SPR: variants seen among roughly 807,000 people sequenced by gnomAD.
The protein encoded by SPR is sepiapterin reductase.
In SPR, 12 loss-of-function variants were observed where a neutral mutation model predicts 16.0. The ratio of observed to expected loss-of-function variants is 0.75; its 90% CI spans 0.48 to 1.22. The LOEUF (loss-of-function observed/expected upper bound fraction) is 1.22, where lower values mean the gene tolerates loss of function less well. Among genes scored for constraint, SPR ranks in the 50% most tolerant of loss-of-function variants. SPR has a pLI of 0.00. For missense variants in SPR, 324 were observed against 344.4 expected (o/e 0.94, Z 0.47); for synonymous variants, 177 against 168.5 (o/e 1.05, Z -0.39).
chr2:72,888,523 G>A lies in SPR; in HGVS notation c.514G>A (p.Ala172Thr), dbSNP rs945210655. 1.9e-6 allele frequency: 3 copies of A among 1,607,066 alleles called. No homozygotes were observed. In the East Asian group the frequency reaches 6.7e-5, roughly 36 times the overall value. Reference protein sequence around the residue: ...QPFKGWALYCAGKAARDMLFQ... With the variant: ...QPFKGWALYCTGKAARDMLFQ... ...TTTCAAAGGCTGGGCGCTGTACTGT[G>A]CAGGAAAGGCTGCTCGTGATATGCT... is the stretch of plus-strand genomic sequence containing the variant. The change falls in exon 2 of 3, where the codon GCA becomes ACA. Residue 172 changes from alanine to threonine, a missense_variant. Physicochemically the swap from Ala to Thr is moderately conservative, Grantham distance 58 (BLOSUM62 0). Transcript: ENST00000234454.
In SPR at chr2:72,888,295, C is replaced by T; in HGVS notation, c.305-19C>T. On this transcript the variant is annotated intron_variant, in intron 1 of 2. Coordinates refer to ENST00000234454, the MANE Select transcript of SPR (RefSeq NM_003124.5). Reference sequence around the variant, plus strand: ...AAGCCCCGCCTGCACTGAGTTACTCCTAAGGGTTGGTTTTTCAGGCTCTCT... The same window carrying T: ...AAGCCCCGCCTGCACTGAGTTACTCTTAAGGGTTGGTTTTTCAGGCTCTCT... 6.2e-7 allele frequency: 1 copy of T among 1,613,994 alleles called. No homozygotes were observed. Among genetic ancestry groups the T allele is most frequent in the Admixed American group, 1.7e-5 (1 of 60,032 alleles).
intron 2 of SPR, among the ~76,000 whole-genome samples, chr2:72,889,585 A>T (rs1670590709): frequency 1.5e-5 from 2 of 137,716 alleles, no homozygotes; most frequent in Non-Finnish European, 1.5e-5. Context: ...ACACACATGC[A>T]CAATTATTCT....
intron 1 of SPR, 90 bp from the exon 2 acceptor site, chr2:72,888,224 T>G: frequency 1.5e-6 from 2 of 1,306,740 alleles, no homozygotes; most frequent in Non-Finnish European, 2.2e-6. Flanking sequence ...TAGGTCTGCA[T>G]GGGAAGAGGA....
chr2:72,888,671 G>A, intron 2 of SPR, 67 bp downstream of exon 2: 1 of 1,509,212 alleles, frequency 6.6e-7, no homozygotes, highest in Non-Finnish European at 8.9e-7. Context: ...GGCTGGGCAA[G>A]CGGCCTAGTC....
At chr2:72,888,282 C>T in intron 1 of SPR, 32 bp from the exon 2 acceptor site, 1 of 1,612,324 alleles carries the variant, frequency 6.2e-7, no homozygotes, top group Non-Finnish European at 8.5e-7. Context: ...GCCCCGCCTG[C>T]ACTGAGTTAC....
chr2:72,887,465 G>C lies in SPR; in HGVS notation c.33G>C (p.Leu11Phe). MEGGLGRAVC[L>F]LTGASRGFGR... ...GCGGGCTGGGGCGTGCTGTGTGCTT[G>C]CTGACCGGGGCCTCCCGCGGCTTCG... The change falls in exon 1 of 3, where the codon TTG becomes TTC. Residue 11 changes from leucine (L) to phenylalanine (F), a missense_variant. Transcript: ENST00000234454. 1 of 1,508,518 alleles carries C rather than the reference G, an allele frequency of 6.6e-7. No individual in the cohort carries two copies. Among genetic ancestry groups the C allele is most frequent in the Non-Finnish European group, 8.8e-7 (1 of 1,134,444 alleles). The allele number at this position is 1,508,518 out of a possible 1,614,324, so 93.4% of individuals were successfully genotyped here. A position where few individuals can be genotyped will look rare whatever the true frequency, so the allele number is the denominator to read the frequency against.
chr2:72,887,532 G>T lies in SPR; in HGVS notation c.100G>T (p.Gly34Cys). ...GCTCCTGGCCTCGCTGCTGTCGCCC[G>T]GCTCCGTGCTTGTCCTTAGCGCCCG... ...APLLASLLSP[G>C]SVLVLSARND... Residue 34 changes from glycine (G) to cysteine (C), a missense_variant, in exon 1 of 3, where the codon GGC becomes TGC. Coordinates refer to ENST00000234454, the MANE Select transcript of SPR (RefSeq NM_003124.5). 6.8e-7 allele frequency: 1 copy of T among 1,480,090 alleles called. No homozygotes were observed. Among genetic ancestry groups the T allele is most frequent in the South Asian group, 1.3e-5 (1 of 77,928 alleles). The allele number at this position is 1,480,090 out of a possible 1,614,324, so 91.7% of individuals were successfully genotyped here. A position where few individuals can be genotyped will look rare whatever the true frequency, so the allele number is the denominator to read the frequency against.
rs1573881927 is a variant in SPR, at chr2:72,887,715, C to G, written c.283C>G (p.Leu95Val). 1.3e-6 allele frequency: 2 copies of G among 1,512,598 alleles called. No homozygotes were observed. The highest frequency in any genetic ancestry group is 1.2e-5 in the South Asian group (1 of 82,316). The allele number at this position is 1,512,598 out of a possible 1,614,324, so 93.7% of individuals were successfully genotyped here. Residue 95 changes from leucine (L) to valine (V), a missense_variant, in exon 1 of 3, where the codon CTG becomes GTG. By Grantham distance (32) the Leu-to-Val change is conservative. Coordinates refer to ENST00000234454, the MANE Select transcript of SPR (RefSeq NM_003124.5). The part of the protein sequence containing the change: ...ELPRPKGLQR[L>V]LLINNAGSLG... ...CCCCCGGCCCAAGGGGCTGCAGCGA[C>G]TGCTGCTTATCAACAACGCGGGTAA...
rs758889793 is a variant in SPR, at chr2:72,888,433, T to C, written c.424T>C (p.Phe142Leu). ...CCTGACTTCCAGCGTCCTGAAGGCC[T>C]TCCCGGACAGTCCTGGCCTCAACAG... The part of the protein sequence containing the change: ...LCLTSSVLKA[F>L]PDSPGLNRTV... The change falls in exon 2 of 3, where the codon TTC (phenylalanine) becomes CTC (leucine). Residue 142 changes from phenylalanine (F) to leucine (L), a missense_variant. By Grantham distance (22) the Phe-to-Leu change is conservative (BLOSUM62 0). Transcript: ENST00000234454. The C allele has an allele frequency of 1.9e-6, 3 of 1,614,078 alleles. No individual in the cohort carries two copies. The highest frequency in any genetic ancestry group is 2.5e-6 in the Non-Finnish European group (3 of 1,179,970).
chr2:72,887,818 G>C, intron 1 of SPR, 82 bp downstream of exon 1: 1 of 1,331,458 alleles, frequency 7.5e-7, no homozygotes, highest in Non-Finnish European at 9.8e-7. Context: ...CTACTCCTAG[G>C]GGTCAGATAG....
chr2:72,890,095 T>G (rs564707766), intron 2 of SPR, among the ~76,000 whole-genome samples: 1 of 152,284 alleles, frequency 6.6e-6, no homozygotes, highest in Admixed American at 6.5e-5. Flanking sequence ...AGACTAGAGA[T>G]GGCTTTATTG....
In SPR at chr2:72,891,351, T is replaced by G; in HGVS notation, c.600T>G (p.Pro200=). Residue 200 remains proline, a synonymous_variant, in exon 3 of 3, where the codon CCT becomes CCG. Transcript: ENST00000234454. The part of the protein sequence containing the change: ...NVRVLNYAPG[P]LDTDMQQLAR... ...CGTCTCCTTTTCATCCTCTAGGTCC[T>G]CTGGACACAGACATGCAGCAGTTGG... The G allele has an allele frequency of 6.2e-7, 1 of 1,614,144 alleles. No individual in the cohort carries two copies. Among genetic ancestry groups the G allele is most frequent in the East Asian group, 2.2e-5 (1 of 44,880 alleles).
chr2:72,890,331 T>C (rs1573883229), intron 2 of SPR, among the ~76,000 whole-genome samples: 1 of 152,054 alleles, frequency 6.6e-6, no homozygotes, highest in Non-Finnish European at 1.5e-5. Flanking sequence ...ATCCCAGTGA[T>C]GTTTTTGTTT....
At chr2:72,888,169 G>A in intron 1 of SPR, 145 bp from the exon 2 acceptor site, 3 of 839,218 alleles carry the variant, frequency 3.6e-6, no homozygotes, top group East Asian at 2.5e-5. Flanking sequence ...CGCAGAGCTG[G>A]GGAAGAGAGA....
At position 72,891,659 on chromosome 2, in the gene SPR, T is replaced by A; in HGVS notation, c.*122T>A. ...CCTTACACATAGAAGCATTCATGCC[T>A]GCTGCCCTGCCCTCAGGCACAGCCA... On this transcript the variant is annotated 3_prime_UTR_variant, in exon 3 of 3. Transcript: ENST00000234454. 2 of 1,168,434 alleles carry A rather than the reference T, an allele frequency of 1.7e-6. No individual in the cohort carries two copies. Among genetic ancestry groups the A allele is most frequent in the Non-Finnish European group, 2.5e-6 (2 of 808,446 alleles). 72.4% of individuals were successfully genotyped at this position (1,168,434 alleles called of 1,614,324 possible).
Position 72,887,480 on chromosome 2 carries a change from C to T in SPR, c.48C>T (p.Ser16=). 1 of 1,505,070 alleles carries T rather than the reference C, an allele frequency of 6.6e-7. No homozygotes were observed. Among genetic ancestry groups the T allele is most frequent in the East Asian group, 2.8e-5 (1 of 35,216 alleles). 93.2% of individuals were successfully genotyped at this position (1,505,070 alleles called of 1,614,324 possible). Residue 16 remains serine (S), a synonymous_variant, in exon 1 of 3, where the codon TCC becomes TCT. Coordinates refer to ENST00000234454, the MANE Select transcript of SPR (RefSeq NM_003124.5). ...CTGTGTGCTTGCTGACCGGGGCCTC[C>T]CGCGGCTTCGGCCGGACGCTGGCCC... is the stretch of plus-strand genomic sequence containing the variant. ...GRAVCLLTGA[S]RGFGRTLAPL...
chr2:72,888,221 G>A (rs1670570385), intron 1 of SPR, 93 bp from the exon 2 acceptor site: 1 of 1,295,756 alleles, frequency 7.7e-7, no homozygotes, highest in African/African-American at 1.4e-5. Context: ...CTCTAGGTCT[G>A]CATGGGAAGA....
In SPR at chr2:72,887,613, C is replaced by T. The variant is rs764586164; in HGVS notation, c.181C>T (p.Leu61=). 21 of 1,427,986 alleles carry T rather than the reference C, an allele frequency of 1.5e-5. No homozygotes were observed. The highest frequency in any genetic ancestry group is 1.9e-5 in the Non-Finnish European group (21 of 1,101,108). The allele number at this position is 1,427,986 out of a possible 1,614,324, so 88.5% of individuals were successfully genotyped here. The change falls in exon 1 of 3, where the codon CTG becomes TTG. Residue 61 remains leucine, a synonymous_variant. Coordinates refer to ENST00000234454, the MANE Select transcript of SPR (RefSeq NM_003124.5). ...EAELGAERSG[L]RVVRVPADLG... is the part of the protein sequence containing the mutation. ...CGAGCTGGGCGCCGAGCGGTCTGGC[C>T]TGCGCGTGGTGCGGGTGCCCGCCGA...
At chr2:72,889,947 C>T (rs1433297243) in intron 2 of SPR, among the ~76,000 whole-genome samples, 1 of 152,340 alleles carries the variant, frequency 6.6e-6, no homozygotes, top group Non-Finnish European at 1.5e-5. Context: ...ATAAATTCTC[C>T]CTCCAACCCT....
Sources: gnomAD v4.1 joint callset for allele counts (sites outside exome capture counted in the v4.1 genomes callset) on GRCh38, gnomAD v4.1.1 for gene constraint, MANE v1.5 for transcripts, NCBI Gene and HGNC (gene_info 2026-07-23, HGNC 2026-07-21) for gene names.